Variants in DOK6 observed in about 807,000 individuals in gnomAD.
The protein encoded by DOK6 is docking protein 6, also known as downstream of tyrosine kinase 6.
A neutral mutation model predicts 44.0 loss-of-function variants in DOK6; 22 were observed. That is an observed-to-expected ratio of 0.50 (90% CI 0.36 to 0.71). The LOEUF is 0.71. Among genes scored for constraint, DOK6 ranks in the 30% least tolerant of loss-of-function variants. The pLI is 0.00. For missense variants in DOK6, 340 were observed against 416.4 expected (o/e 0.82, Z 1.60); for synonymous variants, 166 against 145.5 (o/e 1.14, Z -1.01).
chr18:69,764,393 G>A (rs774308114), intron 7 of DOK6, among the ~76,000 whole-genome samples: 3 of 151,874 alleles, frequency 2.0e-5, no homozygotes, highest in Non-Finnish European at 4.4e-5. Context: ...AATCTGAATT[G>A]TAATCCCCAC....
chr18:69,505,491 C>CTTTTTTT (rs772908185), intron 1 of DOK6, among the ~76,000 whole-genome samples: 5 of 88,568 alleles, frequency 5.6e-5, no homozygotes, highest in East Asian at 3.7e-4. Context: ...TACTCCCATT[C>CTTTTTTT]TTTTTTTTTT....
chr18:69,678,230 C>A (rs1188618312), intron 4 of DOK6, among the ~76,000 whole-genome samples: 1 of 152,144 alleles, frequency 6.6e-6, no homozygotes, highest in African/African-American at 2.4e-5. Flanking sequence ...GCCTGGACAA[C>A]AGAGTAAGAC....
At chr18:69,573,448 T>A (rs1280367523) in intron 2 of DOK6, among the ~76,000 whole-genome samples, 1 of 151,984 alleles carries the variant, frequency 6.6e-6, no homozygotes, top group Admixed American at 6.6e-5. Flanking sequence ...GATGAAAGTT[T>A]TTATTATTAC....
intron 3 of DOK6, among the ~76,000 whole-genome samples, chr18:69,637,034 C>T (rs1235454353): frequency 6.6e-6 from 1 of 152,176 alleles, no homozygotes. Context: ...ACCATCTCCC[C>T]ACCGCCATAC....
intron 3 of DOK6, among the ~76,000 whole-genome samples, chr18:69,665,276 G>T (rs1171623491): frequency 3.3e-5 from 5 of 152,162 alleles, no homozygotes; most frequent in Admixed American, 6.5e-5. Flanking sequence ...GCAATGCAAG[G>T]TTGTCCCTAC....
chr18:69,791,058 A>G (rs1599327505), intron 7 of DOK6, among the ~76,000 whole-genome samples: 2 of 152,090 alleles, frequency 1.3e-5, no homozygotes, highest in African/African-American at 4.8e-5. Flanking sequence ...GGTTTATTTC[A>G]GTTTAAATGA....
intron 1 of DOK6, among the ~76,000 whole-genome samples, chr18:69,476,001 T>C (rs1980249965): frequency 6.6e-6 from 1 of 150,966 alleles, no homozygotes; most frequent in Non-Finnish European, 1.5e-5. Flanking sequence ...CCAGTAAGCA[T>C]AGTACCCAAC....
Position 69,698,456 on chromosome 18 carries a change from A to G in DOK6, c.462A>G (p.Glu154=). ...CACCAAACCTGGATATTTATGGTGAATGCACAATGCAGATCACTCATGAAA... is the reference window on the plus strand; with the variant it reads ...CACCAAACCTGGATATTTATGGTGAGTGCACAATGCAGATCACTCATGAAA... ...MPTPNLDIYG[E]CTMQITHENI... is the part of the protein sequence containing the mutation. The change falls in exon 5 of 8, where the codon GAA becomes GAG. Residue 154 remains glutamate, a synonymous_variant. Transcript: ENST00000382713. 1 of 1,613,984 alleles carries G rather than the reference A, an allele frequency of 6.2e-7. No individual in the cohort carries two copies. Among genetic ancestry groups the G allele is most frequent in the East Asian group, 2.2e-5 (1 of 44,878 alleles).
intron 1 of DOK6, among the ~76,000 whole-genome samples, chr18:69,549,390 A>G (rs1299616955): frequency 6.6e-6 from 1 of 151,472 alleles, no homozygotes; most frequent in Non-Finnish European, 1.5e-5. Context: ...TTGTAGGATG[A>G]GGCATTCTTA....
At chr18:69,629,785 T>TTTTGTTTG (rs147380862) in intron 3 of DOK6, among the ~76,000 whole-genome samples, 7 of 151,744 alleles carry the variant, frequency 4.6e-5, no homozygotes, top group African/African-American at 9.7e-5. Context: ...GTTTGTTTGT[T>TTTTGTTTG]TTTGTTTGTT....
intron 1 of DOK6, among the ~76,000 whole-genome samples, chr18:69,447,352 A>G (rs1979325291): frequency 6.6e-6 from 1 of 152,106 alleles, no homozygotes; most frequent in Non-Finnish European, 1.5e-5. Flanking sequence ...TTTGTCAAAG[A>G]TTAGATGGTT....
At chr18:69,479,089 G>A (rs1980347921) in intron 1 of DOK6, among the ~76,000 whole-genome samples, 1 of 143,990 alleles carries the variant, frequency 6.9e-6, no homozygotes, top group Non-Finnish European at 1.6e-5. Flanking sequence ...GGGAGGTAAG[G>A]AAGCATGTAA....
At chr18:69,612,436 T>TGCGAGGGCGCATGTGC (rs1984172276) in intron 3 of DOK6, among the ~76,000 whole-genome samples, 1 of 147,264 alleles carries the variant, frequency 6.8e-6, no homozygotes, top group Admixed American at 6.7e-5. Context: ...GGCGCATGTG[T>TGCGAGGGCGCATGTGC]GCGAGGGCGC....
intron 1 of DOK6, among the ~76,000 whole-genome samples, chr18:69,499,709 A>C (rs748011371): frequency 1.2e-4 from 18 of 152,116 alleles, no homozygotes; most frequent in Non-Finnish European, 2.5e-4. Flanking sequence ...ATGCATCTCC[A>C]TTTGGAAGCC....
In DOK6 at chr18:69,715,199, T is replaced by C. The variant is rs373810898; in HGVS notation, c.599+16606T>C. Among the ~76,000 whole-genome samples the C allele has an allele frequency of 9.8e-5, 15 of 152,336 alleles. No homozygotes were observed. In the East Asian group the frequency reaches 2.5e-3, roughly 25 times the overall value. On this transcript the variant is annotated intron_variant, in intron 5 of 7. Coordinates refer to ENST00000382713, the MANE Select transcript of DOK6 (RefSeq NM_152721.6). ...GGGATTAGTTTCCTAATCTAAAAAC[T>C]GGAGATTAATTTTGCCCAGGCCACG... is the stretch of plus-strand genomic sequence containing the variant.
intron 1 of DOK6, among the ~76,000 whole-genome samples, chr18:69,477,097 A>G (rs192367144): frequency 4.6e-5 from 7 of 152,306 alleles, no homozygotes; most frequent in African/African-American, 1.7e-4. Context: ...TTAAAGATAG[A>G]TTTGGTATAT....
intron 7 of DOK6, among the ~76,000 whole-genome samples, chr18:69,789,477 G>A (rs1393348014): frequency 6.6e-6 from 1 of 152,008 alleles, no homozygotes; most frequent in Non-Finnish European, 1.5e-5. Flanking sequence ...GTTTGTGTGT[G>A]TGTGTAAGTA....
At chr18:69,695,816 T>C (rs985167983) in intron 4 of DOK6, among the ~76,000 whole-genome samples, 1 of 152,236 alleles carries the variant, frequency 6.6e-6, no homozygotes, top group African/African-American at 2.4e-5. Context: ...GCATAATGTC[T>C]TTCTAAAGTT....
chr18:69,739,147 T>A (rs1247442439), intron 6 of DOK6, 44 bp downstream of exon 6: 1 of 1,608,156 alleles, frequency 6.2e-7, no homozygotes, highest in Admixed American at 1.7e-5. Context: ...GAAATGAATG[T>A]CACTGGGATC....
Sources: allele counts gnomAD v4.1 joint callset (sites outside exome capture counted in the v4.1 genomes callset), GRCh38; gene constraint gnomAD v4.1.1; transcripts MANE v1.5; gene names NCBI Gene and HGNC (gene_info 2026-07-23, HGNC 2026-07-21).